SCT: variants seen among roughly 807,000 people sequenced by gnomAD.
The protein encoded by SCT is secretin, also known as prepro-secretin.
A neutral mutation model predicts 10.9 loss-of-function variants in SCT; 17 were observed. The ratio of observed to expected loss-of-function variants is 1.55; its 90% CI spans 1.06 to 2.33. The LOEUF (loss-of-function observed/expected upper bound fraction) is 2.33. SCT is among the 30% of genes most tolerant of loss of function. The pLI is 0.00. For synonymous variants in SCT, 96 were observed against 73.9 expected, an observed-to-expected ratio of 1.30 and a Z score of -1.54; for missense variants, 230 against 165.9, an observed-to-expected ratio of 1.39 and a Z score of -2.12.
In SCT at chr11:627,025, G is replaced by C. The variant is rs558871198; in HGVS notation, c.72-36C>G. On this transcript the variant is annotated intron_variant, in intron 1 of 3. Transcript: ENST00000176195. ...TCGGGGGTCGGGGTCAGGGCGCACT[G>C]GGGGCGGGTGGGGCCCGGGGGGCGG... 1.7e-5 allele frequency: 23 copies of C among 1,327,982 alleles called. No individual in the cohort carries two copies. The African/African-American group carries it at 3.4e-4, about 20-fold the overall frequency. The allele number at this position is 1,327,982 out of a possible 1,614,324, so 82.3% of individuals were successfully genotyped here.
In SCT at chr11:627,063, G is replaced by A; in HGVS notation, c.71+10C>T. 1 of 1,209,762 alleles carries A rather than the reference G, an allele frequency of 8.3e-7. No homozygotes were observed. Among genetic ancestry groups the A allele is most frequent in the South Asian group, 2.7e-5 (1 of 36,510 alleles). The allele number at this position is 1,209,762 out of a possible 1,614,324, so 74.9% of individuals were successfully genotyped here. A position where few individuals can be genotyped will look rare whatever the true frequency, so the allele number is the denominator to read the frequency against. On this transcript the variant is annotated intron_variant, in intron 1 of 3. Coordinates refer to ENST00000176195, the MANE Select transcript of SCT (RefSeq NM_021920.4). ...GCCCGGGGGGCGGGCGGGCCTGGCGGGCGGCTCACCTGGGGGGCGCGGGGC... is the reference window on the plus strand; with the variant it reads ...GCCCGGGGGGCGGGCGGGCCTGGCGAGCGGCTCACCTGGGGGGCGCGGGGC...
At position 627,158 on chromosome 11, in the gene SCT, G is replaced by T; in HGVS notation, c.-15C>A. 9.3e-7 allele frequency: 1 copy of T among 1,078,290 alleles called. No individual in the cohort carries two copies. The highest frequency in any genetic ancestry group is 1.1e-6 in the Non-Finnish European group (1 of 887,694). The allele number at this position is 1,078,290 out of a possible 1,614,324, so 66.8% of individuals were successfully genotyped here. On this transcript the variant is annotated 5_prime_UTR_variant, in exon 1 of 4. Transcript: ENST00000176195. ...CGGGGGGCCATGGCGGGGTCGGGGC[G>T]CAGGAGCTGAGCGCTGCGGCCACGG...
At chr11:626,611 A>G in intron 3 of SCT, 81 bp from the exon 4 acceptor site, 5 of 1,469,090 alleles carry the variant, frequency 3.4e-6, no homozygotes, top group East Asian at 2.5e-5. Context: ...TCCAGTGGCC[A>G]CCAGCGCTGA....
At chr11:626,627 G>C (rs1857753903) in intron 3 of SCT, 70 bp downstream of exon 3, 1 of 1,479,032 alleles carries the variant, frequency 6.8e-7, no homozygotes, top group African/African-American at 1.4e-5. Flanking sequence ...GCTGACCCGG[G>C]GAGGCCAGGA....
chr11:626,997 C>CGGTCGGG lies in SCT; in HGVS notation c.72-15_72-9dup, dbSNP rs1564906742. On this transcript the variant is annotated splice_polypyrimidine_tract_variant and intron_variant, in intron 1 of 3. Transcript: ENST00000176195. ...TCTGAGTGTCGCCGGGCCCTGCGGG[C>CGGTCGGG]GGTCGGGGGTCGGGGTCAGGGCGCA... 34 of 954,358 alleles carry CGGTCGGG rather than the reference C, an allele frequency of 3.6e-5. No individual in the cohort carries two copies. Among genetic ancestry groups the CGGTCGGG allele is most frequent in the Non-Finnish European group, 4.6e-5 (32 of 697,036 alleles). The allele number at this position is 954,358 out of a possible 1,614,324, so 59.1% of individuals were successfully genotyped here. A position where few individuals can be genotyped will look rare whatever the true frequency, so the allele number is the denominator to read the frequency against.
chr11:627,048 C>T (rs1216573976), intron 1 of SCT, 25 bp downstream of exon 1: 7 of 489,964 alleles, frequency 1.4e-5, no homozygotes, highest in African/African-American at 6.6e-5. Context: ...GCCCGGGGGG[C>T]GGGCGGGCCT....
Position 626,496 on chromosome 11 carries a change from G to A in SCT, c.301C>T (p.Pro101Ser), listed in dbSNP as rs919946045. The A allele has an allele frequency of 1.3e-6, 2 of 1,561,406 alleles. No homozygotes were observed. The highest frequency in any genetic ancestry group is 1.4e-5 in the African/African-American group (1 of 73,556). The change falls in exon 4 of 4, where the codon CCC (proline) becomes TCC (serine). Residue 101 changes from proline (P) to serine (S), a missense_variant. By Grantham distance (74) the Pro-to-Ser change is moderately conservative. Coordinates refer to ENST00000176195, the MANE Select transcript of SCT (RefSeq NM_021920.4). ...GGTTCTGAAACCATAGGCCCAGGGG[G>A]CAGCCAGGGAGACCAGGTCCCGTCC... ...PLDGTWSPWL[P>S]PGPMVSEPAG... is the part of the protein sequence containing the mutation.
chr11:627,075 G>T lies in SCT; in HGVS notation c.69C>A (p.Pro23=). ...GGCGGGCCTGGCGGGCGGCTCACCT[G>T]GGGGGCGCGGGGCGCGCGGCGGAGC... ...LGGSAARPAP[P]RARRHSDGTF... is the part of the protein sequence containing the mutation. Residue 23 remains proline (P), a splice_region_variant and synonymous_variant, in exon 1 of 4, where the codon CCC becomes CCA. Coordinates refer to ENST00000176195, the MANE Select transcript of SCT (RefSeq NM_021920.4). 8.8e-7 allele frequency: 1 copy of T among 1,136,998 alleles called. No individual in the cohort carries two copies. The highest frequency in any genetic ancestry group is 1.1e-6 in the Non-Finnish European group (1 of 921,042). 70.4% of individuals were successfully genotyped at this position (1,136,998 alleles called of 1,614,324 possible).
chr11:626,642 A>T, intron 3 of SCT, 55 bp downstream of exon 3: 1 of 1,482,130 alleles, frequency 6.7e-7, no homozygotes, highest in Non-Finnish European at 9.2e-7. Context: ...CCAGGACAGA[A>T]GGAGGGGTCT....
At position 627,067 on chromosome 11, in the gene SCT, G is replaced by A; in HGVS notation, c.71+6C>T. 1.7e-6 allele frequency: 2 copies of A among 1,194,854 alleles called. No individual in the cohort carries two copies. The highest frequency in any genetic ancestry group is 2.9e-5 in the South Asian group (1 of 34,388). The allele number at this position is 1,194,854 out of a possible 1,614,324, so 74.0% of individuals were successfully genotyped here. A position where few individuals can be genotyped will look rare whatever the true frequency, so the allele number is the denominator to read the frequency against. ...GGGGGGCGGGCGGGCCTGGCGGGCGGCTCACCTGGGGGGCGCGGGGCGCGC... is the reference window on the plus strand; with the variant it reads ...GGGGGGCGGGCGGGCCTGGCGGGCGACTCACCTGGGGGGCGCGGGGCGCGC... On this transcript the variant is annotated splice_donor_region_variant and intron_variant, in intron 1 of 3. Transcript: ENST00000176195.
intron 3 of SCT, 75 bp downstream of exon 3, chr11:626,621 AC>A: frequency 6.8e-7 from 1 of 1,469,426 alleles, no homozygotes; most frequent in Middle Eastern, 2.1e-4. Flanking sequence ...ACCAGCGCTG[AC>A]CCGGGGAGGC....
intron 1 of SCT, 21 bp from the exon 2 acceptor site, chr11:627,010 G>C (rs1564906762): frequency 6.8e-6 from 10 of 1,475,412 alleles, no homozygotes; most frequent in Non-Finnish European, 8.1e-6. Flanking sequence ...TCGGGGGTCG[G>C]GGTCAGGGCG....
chr11:627,105 G>GAGGAGC lies in SCT; in HGVS notation c.33_38dup (p.Leu12_Leu13dup), dbSNP rs1857795236. On this transcript the variant is annotated inframe_insertion, in exon 1 of 4. Transcript: ENST00000176195. Reference sequence around the variant, plus strand: ...GCGCGGGGCGCGCGGCGGAGCCCCCGAGGAGCAGCAGCAGCAGCAGGAGGG... The same window carrying GAGGAGC: ...GCGCGGGGCGCGCGGCGGAGCCCCCGAGGAGCAGGAGCAGCAGCAGCAGCAGGAGGG... 1 of 1,108,352 alleles carries GAGGAGC rather than the reference G, an allele frequency of 9.0e-7. No homozygotes were observed. The highest frequency in any genetic ancestry group is 1.1e-6 in the Non-Finnish European group (1 of 904,786). The allele number at this position is 1,108,352 out of a possible 1,614,324, so 68.7% of individuals were successfully genotyped here.
rs1182323878 is a variant in SCT at position 626,466 on chromosome 11, C to T, written c.331G>A (p.Gly111Ser). 6.4e-7 allele frequency: 1 copy of T among 1,557,086 alleles called. No homozygotes were observed. Among genetic ancestry groups the T allele is most frequent in the East Asian group, 2.4e-5 (1 of 41,452 alleles). ...PPGPMVSEPA[G>S]AAAEGTLRPR ...CGCAAGGTTCCTTCTGCAGCAGCGC[C>T]AGCTGGTTCTGAAACCATAGGCCCA... Residue 111 changes from glycine (G) to serine (S), a missense_variant, in exon 4 of 4, where the codon GGC (glycine) becomes AGC (serine). By Grantham distance (56) the Gly-to-Ser change is moderately conservative. Transcript: ENST00000176195.
At position 627,002 on chromosome 11, in the gene SCT, G is replaced by T; in HGVS notation, c.72-13C>A. The T allele has an allele frequency of 6.6e-7, 1 of 1,511,672 alleles. No homozygotes were observed. The highest frequency in any genetic ancestry group is 1.2e-5 in the South Asian group (1 of 81,784). 93.6% of individuals were successfully genotyped at this position (1,511,672 alleles called of 1,614,324 possible). On this transcript the variant is annotated splice_polypyrimidine_tract_variant and intron_variant, in intron 1 of 3. Coordinates refer to ENST00000176195, the MANE Select transcript of SCT (RefSeq NM_021920.4). ...GTGTCGCCGGGCCCTGCGGGCGGTC[G>T]GGGGTCGGGGTCAGGGCGCACTGGG...
rs960288864 is a variant in SCT, at chr11:626,318, G to C, written c.*113C>G. On this transcript the variant is annotated 3_prime_UTR_variant, in exon 4 of 4. Coordinates refer to ENST00000176195, the MANE Select transcript of SCT (RefSeq NM_021920.4). ...CAGACAACTCCCAGCGTCTGGGTCTGATTCCTCCTTTATTGGTGCCAAGTA... is the reference window on the plus strand; with the variant it reads ...CAGACAACTCCCAGCGTCTGGGTCTCATTCCTCCTTTATTGGTGCCAAGTA... 7.9e-6 allele frequency: 6 copies of C among 759,852 alleles called. No homozygotes were observed. In the Admixed American group the frequency reaches 1.5e-4, roughly 19 times the overall value. 47.1% of individuals were successfully genotyped at this position (759,852 alleles called of 1,614,324 possible). A position where few individuals can be genotyped will look rare whatever the true frequency, so the allele number is the denominator to read the frequency against.
chr11:626,900 A>G lies in SCT; in HGVS notation c.161T>C (p.Val54Ala). 1 of 1,541,236 alleles carries G rather than the reference A, an allele frequency of 6.5e-7. No individual in the cohort carries two copies. ...ARLQRLLQGL[V>A]GKRSEQDAEN... ...CACCCGGCCTCACCTGCGCTTCCCC[A>G]CCAGGCCCTGTAGCAGCCGCTGGAG... is the stretch of plus-strand genomic sequence containing the variant. The change falls in exon 2 of 4, where the codon GTG becomes GCG. Residue 54 changes from valine to alanine, a missense_variant. Physicochemically the swap from Val to Ala is moderately conservative, Grantham distance 64 (BLOSUM62 0). Coordinates refer to ENST00000176195, the MANE Select transcript of SCT (RefSeq NM_021920.4).
chr11:626,759 C>T lies in SCT; in HGVS notation c.204G>A (p.Trp68Ter), dbSNP rs1394576041. ...AGAGCAGACCCGCGCTGAGCCTGGT[C>T]CAGGCCATGCTGTTCTCTGCGTCCT... ...SEQDAENSMA[W>*]TRLSAGLLCP... The change falls in exon 3 of 4, where the codon TGG becomes TGA. Residue 68 changes from tryptophan to a stop codon, truncating the protein, a stop_gained. Coordinates refer to ENST00000176195, the MANE Select transcript of SCT (RefSeq NM_021920.4). LOFTEE classifies it high-confidence loss of function. 5 of 1,550,642 alleles carry T rather than the reference C, an allele frequency of 3.2e-6. No homozygotes were observed. The highest frequency in any genetic ancestry group is 4.4e-6 in the Non-Finnish European group (5 of 1,146,836).
In SCT at chr11:626,400, G is replaced by A. The variant is rs975099856; in HGVS notation, c.*31C>T. 2.6e-6 allele frequency: 4 copies of A among 1,513,838 alleles called. No individual in the cohort carries two copies. The highest frequency in any genetic ancestry group is 3.6e-6 in the Non-Finnish European group (4 of 1,113,954). 93.8% of individuals were successfully genotyped at this position (1,513,838 alleles called of 1,614,324 possible). On this transcript the variant is annotated 3_prime_UTR_variant, in exon 4 of 4. Coordinates refer to ENST00000176195, the MANE Select transcript of SCT (RefSeq NM_021920.4). ...CCACCCCAAATGCAGCTGCGCTCCT[G>A]GGCCGGGCAGGTGGTGAGGGGGTTC...
Sources: allele counts gnomAD v4.1 joint callset, GRCh38; gene constraint gnomAD v4.1.1; transcripts MANE v1.5; gene names NCBI Gene and HGNC (gene_info 2026-07-23, HGNC 2026-07-21).